The following ANKRD30B variants were observed in gnomAD, a reference collection of about 807,000 sequenced individuals.
ANKRD30B encodes ankyrin repeat domain-containing protein 30B.
ANKRD30B carries 144 observed loss-of-function variants against 202.2 expected under a neutral mutation model. The ratio of observed to expected loss-of-function variants is 0.71; its 90% CI spans 0.62 to 0.82. The LOEUF (loss-of-function observed/expected upper bound fraction) is 0.82. ANKRD30B is among the 40% of genes least tolerant of loss of function. The pLI, the probability that ANKRD30B is intolerant of heterozygous loss-of-function variation, is 0.00. For synonymous variants in ANKRD30B, 508 were observed against 561.3 expected (o/e 0.91, Z 1.34); for missense variants, 1,487 against 1,669.1 (o/e 0.89, Z 1.90).
At chr18:14,919,955 A>G in the ANKRD30B span, among the ~76,000 whole-genome samples, 2 of 152,250 alleles carry the variant, frequency 1.3e-5, no homozygotes, top group African/African-American at 4.8e-5. Flanking sequence ...GAAGGCCCCA[A>G]GAGGCTGCTT....
rs563501703 is a variant in ANKRD30B, at chr18:14,854,442, G to A, written c.*284G>A. On this transcript the variant is annotated 3_prime_UTR_variant, in exon 44 of 44. Transcript: ENST00000690538. The stretch of plus-strand genomic sequence containing the variant: ...GAATCCCATGCATGAGAAGGGGACA[G>A]GTCCTTTCTTCACAAGACCAGTCTT... Among the ~76,000 whole-genome samples, 1 of 152,232 alleles carries A rather than the reference G, an allele frequency of 6.6e-6. No homozygotes were observed. Among genetic ancestry groups the A allele is most frequent in the South Asian group, 2.1e-4 (1 of 4,822 alleles).
At chr18:14,855,149 C>T (rs1196370758), downstream of ANKRD30B, among the ~76,000 whole-genome samples, 30 of 152,076 alleles carry the variant, frequency 2.0e-4, no homozygotes, top group Admixed American at 2.0e-3. Context: ...TTAACAAAGC[C>T]CATCTTGCAC....
At chr18:14,799,044 T>G in intron 20 of ANKRD30B, 57 bp from the exon 21 acceptor site, 1 of 1,441,008 alleles carries the variant, frequency 6.9e-7, no homozygotes, top group South Asian at 1.1e-5. Context: ...CTATGAACGT[T>G]TGGTAGGCTT....
At chr18:14,916,409 T>A in the ANKRD30B span, among the ~76,000 whole-genome samples, 1 of 152,230 alleles carries the variant, frequency 6.6e-6, no homozygotes, top group Non-Finnish European at 1.5e-5. Flanking sequence ...GATACCACTT[T>A]ACAGAATAGG....
intron 19 of ANKRD30B, 37 bp downstream of exon 19, chr18:14,797,726 A>T: frequency 6.2e-7 from 1 of 1,607,076 alleles, no homozygotes; most frequent in Non-Finnish European, 8.5e-7. Context: ...AATATTAACT[A>T]CATATTTTTG....
intron 39 of ANKRD30B, among the ~76,000 whole-genome samples, chr18:14,844,982 G>A (rs556981863): frequency 6.6e-6 from 1 of 151,858 alleles, no homozygotes; most frequent in South Asian, 2.1e-4. Context: ...TCTGGATTTA[G>A]CCCTTTGTCA....
intron 26 of ANKRD30B, among the ~76,000 whole-genome samples, chr18:14,809,309 A>G (rs1219162375): frequency 6.6e-6 from 1 of 151,104 alleles, no homozygotes; most frequent in Non-Finnish European, 1.5e-5. Flanking sequence ...GAGCCTTAAA[A>G]AAGAAACACA....
At chr18:14,920,448 G>A in the ANKRD30B span, among the ~76,000 whole-genome samples, 1 of 152,184 alleles carries the variant, frequency 6.6e-6, no homozygotes, top group African/African-American at 2.4e-5. Context: ...AGTCACTATA[G>A]TGTCTAGAAA....
At chr18:14,888,933 C>G in the ANKRD30B span, 3 of 1,047,682 alleles carry the variant, frequency 2.9e-6, no homozygotes, top group African/African-American at 5.0e-5. Flanking sequence ...CAAACATGTT[C>G]CAAATGATTT....
intron 34 of ANKRD30B, among the ~76,000 whole-genome samples, chr18:14,835,396 G>A (rs536023642): frequency 6.6e-6 from 1 of 151,424 alleles, no homozygotes; most frequent in Non-Finnish European, 1.5e-5. Context: ...CTTATCATTG[G>A]AAGAATACTT....
chr18:14,778,938 A>G (rs1285826169), intron 10 of ANKRD30B, among the ~76,000 whole-genome samples: 1 of 152,188 alleles, frequency 6.6e-6, no homozygotes, highest in Non-Finnish European at 1.5e-5. Flanking sequence ...AAAAAGAGGT[A>G]AAGAAATGGT....
the ANKRD30B span, among the ~76,000 whole-genome samples, chr18:14,916,132 T>C: frequency 2.0e-5 from 3 of 152,182 alleles, no homozygotes; most frequent in African/African-American, 4.8e-5. Context: ...CTGATGGTGC[T>C]GCTGTGGGCC....
intron 43 of ANKRD30B, among the ~76,000 whole-genome samples, 35 bp downstream of exon 43, chr18:14,853,978 A>G (rs1971990237): frequency 6.6e-6 from 1 of 152,212 alleles, no homozygotes. Context: ...AATGATTTCA[A>G]ATCAAAAGTC....
chr18:14,860,345 A>G, the ANKRD30B span, among the ~76,000 whole-genome samples: 1 of 99,684 alleles, frequency 1.0e-5, no homozygotes, highest in Non-Finnish European at 2.0e-5. Flanking sequence ...CACTTCCCAG[A>G]CAGGGCTGCC....
In ANKRD30B at chr18:14,808,587, C is replaced by T. The variant is rs200513046; in HGVS notation, c.2313+8C>T. ...AAAGATGGTCTTCTGAAGGTAATTACTTTTATATTTCTATGTTGAATATTA... is the reference window on the plus strand; with the variant it reads ...AAAGATGGTCTTCTGAAGGTAATTATTTTTATATTTCTATGTTGAATATTA... On this transcript the variant is annotated splice_region_variant and intron_variant, in intron 25 of 43. Coordinates refer to ENST00000690538, the MANE Select transcript of ANKRD30B (RefSeq NM_001367607.2). The T allele has an allele frequency of 1.9e-6, 3 of 1,565,002 alleles. No individual in the cohort carries two copies. Among genetic ancestry groups the T allele is most frequent in the Non-Finnish European group, 2.6e-6 (3 of 1,141,514 alleles).
intron 32 of ANKRD30B, among the ~76,000 whole-genome samples, chr18:14,824,844 G>A (rs1322269919): frequency 6.6e-6 from 1 of 152,160 alleles, no homozygotes; most frequent in Non-Finnish European, 1.5e-5. Flanking sequence ...TACCATTGTA[G>A]CATGAAAGCA....
intron 15 of ANKRD30B, among the ~76,000 whole-genome samples, chr18:14,789,332 T>C (rs1172235916): frequency 6.6e-6 from 1 of 152,148 alleles, no homozygotes; most frequent in Non-Finnish European, 1.5e-5. Context: ...TTCTCCCATT[T>C]TGTAGGTTGC....
chr18:14,837,650 G>C lies in ANKRD30B; in HGVS notation c.2962G>C (p.Asp988His). The C allele has an allele frequency of 6.5e-7, 1 of 1,540,848 alleles. No individual in the cohort carries two copies. Among genetic ancestry groups the C allele is most frequent in the Non-Finnish European group, 8.7e-7 (1 of 1,144,576 alleles). ...CACATCAGAATTAGGAAGAAAAGAA[G>C]ATACAAAATCAACTTCAGATTCTGA... ...MPTSELGRKEDTKSTSDSEII... is the reference protein window; with the variant it reads ...MPTSELGRKEHTKSTSDSEII... Residue 988 changes from aspartate (D) to histidine (H), a missense_variant, in exon 36 of 44, where the codon GAT (aspartate) becomes CAT (histidine). Around this residue, in one of 6 missense-constraint regions of ANKRD30B, gnomAD observed 218 missense variants for 320.1 expected, o/e 0.68. Transcript: ENST00000690538.
the ANKRD30B span, among the ~76,000 whole-genome samples, chr18:14,894,231 C>A: frequency 5.3e-4 from 80 of 152,178 alleles, no homozygotes; most frequent in Non-Finnish European, 9.7e-4. Flanking sequence ...AAGTGGGGAA[C>A]TTTGATCTAA....
Sources: gnomAD v4.1 joint callset for allele counts (sites outside exome capture counted in the v4.1 genomes callset) on GRCh38, gnomAD v4.1.1 for gene constraint, gnomAD v4.1.1 regional missense constraint, MANE v1.5 for transcripts, NCBI Gene and HGNC (gene_info 2026-07-23, HGNC 2026-07-21) for gene names.